CCDC7: variants seen among roughly 807,000 people sequenced by gnomAD.
The protein encoded by CCDC7 is coiled-coil domain-containing protein 7.
A neutral mutation model predicts 196.9 loss-of-function variants in CCDC7; 183 were observed. That is an observed-to-expected ratio of 0.93 (90% CI 0.82 to 1.05). The LOEUF is 1.05. Ranked by LOEUF, CCDC7 falls within the 50% of genes least tolerant of loss-of-function variation. CCDC7 has a pLI of 0.00. For missense variants in CCDC7, 1,540 were observed against 1,482.2 expected (o/e 1.04, Z -0.64); for synonymous variants, 525 against 484.6 (o/e 1.08, Z -1.10).
At chr10:32,830,294 A>G (rs953343088) in intron 32 of CCDC7, among the ~76,000 whole-genome samples, 22 of 150,460 alleles carry the variant, frequency 1.5e-4, no homozygotes, top group African/African-American at 4.4e-4. Flanking sequence ...AAACATGTAC[A>G]CAACAAGATT....
chr10:32,875,443 T>G lies in CCDC7; in HGVS notation c.4112-904T>G, dbSNP rs938611678. Among the ~76,000 whole-genome samples the G allele has an allele frequency of 5.9e-5, 9 of 152,084 alleles. No homozygotes were observed. In the East Asian group the frequency reaches 1.7e-3, roughly 29 times the overall value. ...AGGTTTGTCAAAGATCAGATGGTTG[T>G]AGATGTGCAGCCTTATTTCTGGGCC... is the stretch of plus-strand genomic sequence containing the variant. On this transcript the variant is annotated intron_variant, in intron 41 of 41. Coordinates refer to ENST00000639629, the Ensembl canonical transcript of CCDC7.
intron 41 of CCDC7, among the ~76,000 whole-genome samples, chr10:32,871,744 AT>A (rs2094438641): frequency 6.6e-6 from 1 of 152,160 alleles, no homozygotes; most frequent in Admixed American, 6.6e-5. Context: ...ATTTAGTGCT[AT>A]AAATTTCCCT....
At chr10:32,673,353 G>GTA (rs2074371877) in intron 21 of CCDC7, among the ~76,000 whole-genome samples, 1 of 151,882 alleles carries the variant, frequency 6.6e-6, no homozygotes, top group Non-Finnish European at 1.5e-5. Context: ...GATAGGAATT[G>GTA]TACATCACTT....
Position 32,814,414 on chromosome 10 carries a change from C to G in CCDC7, c.3142C>G (p.Leu1048Val), listed in dbSNP as rs548466362. The change falls in exon 31 of 42, where the codon CTA becomes GTA. Residue 1048 changes from leucine (L) to valine (V), a missense_variant. Transcript: ENST00000639629. ...GACAGATGCATTTGGAAGAGATATA[C>G]TAAAGGATGAATTCAAGACACGATC... The G allele has an allele frequency of 2.5e-5, 41 of 1,612,306 alleles. 1 individual carries two copies. In the South Asian group the frequency reaches 4.0e-4, roughly 16 times the overall value.
intron 25 of CCDC7, among the ~76,000 whole-genome samples, chr10:32,712,459 C>G (rs1448077565): frequency 6.6e-6 from 1 of 152,170 alleles, no homozygotes; most frequent in Non-Finnish European, 1.5e-5. Context: ...ACAGTACATG[C>G]TGCACGTGGG....
intron 41 of CCDC7, among the ~76,000 whole-genome samples, chr10:32,871,728 G>T (rs963481232): frequency 5.9e-5 from 9 of 151,794 alleles, no homozygotes; most frequent in Non-Finnish European, 8.8e-5. Flanking sequence ...GCTTTCTCTT[G>T]TGGGCATTTA....
intron 30 of CCDC7, among the ~76,000 whole-genome samples, chr10:32,808,246 C>T (rs2086277773): frequency 6.6e-6 from 1 of 152,128 alleles, no homozygotes; most frequent in Non-Finnish European, 1.5e-5. Context: ...TTTCAGTGCC[C>T]AAAAATGCCT....
chr10:32,653,959 T>C (rs1477356732), intron 20 of CCDC7, among the ~76,000 whole-genome samples: 1 of 152,236 alleles, frequency 6.6e-6, no homozygotes, highest in East Asian at 1.9e-4. Flanking sequence ...TATGTGTATG[T>C]TGGTACACTT....
rs1371746034 is a variant in CCDC7, at chr10:32,660,282, C to CA, written c.2015-3771dup. Among the ~76,000 whole-genome samples, 3 of 137,510 alleles carry CA rather than the reference C, an allele frequency of 2.2e-5. No individual in the cohort carries two copies. The Admixed American group carries it at 2.3e-4, about 10-fold the overall frequency. 90.2% of individuals were successfully genotyped at this position (137,510 alleles called of 152,430 possible). ...CAATGCTATCCCTCCCGCCTCCCCCCACCCCACAACAGTCCCCAGAGTGTG... is the reference window on the plus strand; with the variant it reads ...CAATGCTATCCCTCCCGCCTCCCCCCAACCCCACAACAGTCCCCAGAGTGTG... On this transcript the variant is annotated intron_variant, in intron 20 of 41. Coordinates refer to ENST00000639629, the Ensembl canonical transcript of CCDC7.
intron 21 of CCDC7, among the ~76,000 whole-genome samples, chr10:32,675,345 T>C (rs1405480161): frequency 6.8e-6 from 1 of 146,998 alleles, no homozygotes; most frequent in Non-Finnish European, 1.5e-5. Context: ...AATGGTCTAT[T>C]TTAAATTGTT....
intron 21 of CCDC7, among the ~76,000 whole-genome samples, chr10:32,669,605 A>G (rs1385204769): frequency 1.3e-5 from 2 of 152,076 alleles, no homozygotes; most frequent in African/African-American, 4.8e-5. Context: ...TGATTTAGTC[A>G]TGGTAGGTTG....
intron 28 of CCDC7, among the ~76,000 whole-genome samples, chr10:32,771,148 GT>G (rs1355392442): frequency 1.3e-5 from 2 of 152,026 alleles, no homozygotes; most frequent in Non-Finnish European, 2.9e-5. Flanking sequence ...TTTAAATTGT[GT>G]TTTTATTTTA....
intron 28 of CCDC7, among the ~76,000 whole-genome samples, chr10:32,738,588 C>T (rs2085283533): frequency 6.7e-6 from 1 of 149,168 alleles, no homozygotes; most frequent in Non-Finnish European, 1.5e-5. Context: ...GATCTTCCCA[C>T]CTCAGCCTCC....
At chr10:32,510,471 AAACAATTATGGTATT>A (rs2045935544) in intron 9 of CCDC7, among the ~76,000 whole-genome samples, 1 of 152,226 alleles carries the variant, frequency 6.6e-6, no homozygotes, top group Non-Finnish European at 1.5e-5. Context: ...AAACCATGAC[AAACAATTATGGTATT>A]AATGAGGGCA....
chr10:32,713,184 A>C (rs2081087935), intron 25 of CCDC7, among the ~76,000 whole-genome samples: 1 of 152,200 alleles, frequency 6.6e-6, no homozygotes, highest in South Asian at 2.1e-4. Flanking sequence ...TAGTGGCCCA[A>C]AGGGATCTAC....
intron 30 of CCDC7, among the ~76,000 whole-genome samples, chr10:32,807,362 C>A (rs552920863): frequency 6.6e-6 from 1 of 151,728 alleles, no homozygotes; most frequent in Non-Finnish European, 1.5e-5. Flanking sequence ...AGCACACAGG[C>A]GATGGTTGAG....
At chr10:32,470,255 G>A (rs566574904) in intron 5 of CCDC7, among the ~76,000 whole-genome samples, 59 of 152,214 alleles carry the variant, frequency 3.9e-4, no homozygotes, top group African/African-American at 1.3e-3. Flanking sequence ...TTTCCTCCTA[G>A]CATAAGGATT....
At chr10:32,494,386 G>GT (rs34832140) in intron 9 of CCDC7, among the ~76,000 whole-genome samples, 79,578 of 147,010 alleles carry the variant, frequency 0.54, 24,790 homozygotes, top group Non-Finnish European at 0.72. Context: ...GGCTATGTCT[G>GT]TTTTTTTTTT....
At chr10:32,882,364 C>T (rs554393243) in intron 22 of CCDC7, among the ~76,000 whole-genome samples, 3 of 152,110 alleles carry the variant, frequency 2.0e-5, no homozygotes, top group Non-Finnish European at 4.4e-5. Flanking sequence ...GAGAGATTCT[C>T]GCTAAACTGA....
Sources: allele counts gnomAD v4.1 joint callset (sites outside exome capture counted in the v4.1 genomes callset), GRCh38; gene constraint gnomAD v4.1.1; transcripts MANE v1.5; gene names NCBI Gene and HGNC (gene_info 2026-07-23, HGNC 2026-07-21).